The following COL21A1 variants were observed in gnomAD, a reference collection of about 807,000 sequenced individuals.
COL21A1 encodes the protein collagen type XXI alpha 1 chain, also known as collagen alpha-1(XXI) chain.
COL21A1 carries 149 observed loss-of-function variants against 137.9 expected under a neutral mutation model. The ratio of observed to expected loss-of-function variants is 1.08; its 90% confidence interval spans 0.95 to 1.24. COL21A1 has a LOEUF of 1.24. COL21A1 is among the 50% of genes most tolerant of loss of function. The pLI is 0.00. For synonymous variants in COL21A1, 456 were observed against 391.5 expected (o/e 1.16, Z -1.95); for missense variants, 1,167 against 1,158.4 (o/e 1.01, Z -0.11).
At chr6:56,386,239 G>GA (rs1246171043) in intron 1 of COL21A1, among the ~76,000 whole-genome samples, 1 of 152,160 alleles carries the variant, frequency 6.6e-6, no homozygotes, top group Non-Finnish European at 1.5e-5. Flanking sequence ...ATGAGCCACT[G>GA]CACCTGGCCT....
intron 1 of COL21A1, among the ~76,000 whole-genome samples, chr6:56,385,902 CTT>C (rs771807619): frequency 4.9e-5 from 7 of 142,970 alleles, no homozygotes; most frequent in Non-Finnish European, 6.2e-5. Flanking sequence ...TACTTCATTC[CTT>C]TTTTTTTTTT....
Position 56,192,094 on chromosome 6 carries a change from A to G in COL21A1, c.-38-9438T>C, listed in dbSNP as rs925436968. Among the ~76,000 whole-genome samples the G allele has an allele frequency of 2.0e-5, 3 of 152,210 alleles. 1 individual carries two copies. Among genetic ancestry groups the G allele is most frequent in the South Asian group, 4.1e-4 (2 of 4,834 alleles). ...TTGACAAACCTGACACAAACAAGCAACAGGGAAAAGATTCCCTATTAATAA... is the reference window on the plus strand; with the variant it reads ...TTGACAAACCTGACACAAACAAGCAGCAGGGAAAAGATTCCCTATTAATAA... On this transcript the variant is annotated intron_variant, in intron 1 of 29. Transcript: ENST00000244728.
At chr6:56,072,132 T>A (rs1766809640) in intron 20 of COL21A1, among the ~76,000 whole-genome samples, 1 of 151,632 alleles carries the variant, frequency 6.6e-6, no homozygotes, top group African/African-American at 2.4e-5. Flanking sequence ...TGTATCCATA[T>A]CCCTGGCAAA....
intron 16 of COL21A1, among the ~76,000 whole-genome samples, chr6:56,104,018 A>G (rs948587190): frequency 1.3e-5 from 2 of 152,216 alleles, no homozygotes; most frequent in Admixed American, 1.3e-4. Flanking sequence ...ATGAACTAGT[A>G]TAACATTATA....
chr6:56,279,829 AGAT>A (rs1414836762), intron 1 of COL21A1, among the ~76,000 whole-genome samples: 3 of 152,200 alleles, frequency 2.0e-5, no homozygotes, highest in Non-Finnish European at 1.5e-5. Context: ...TATGTGATTC[AGAT>A]GATAACTTTC....
At chr6:56,189,939 A>C (rs957652869) in intron 1 of COL21A1, among the ~76,000 whole-genome samples, 2 of 152,246 alleles carry the variant, frequency 1.3e-5, no homozygotes, top group African/African-American at 2.4e-5. Flanking sequence ...TATCACCACC[A>C]GGTCTGCCTT....
chr6:56,365,985 C>T (rs1287583777), intron 1 of COL21A1, among the ~76,000 whole-genome samples: 1 of 152,026 alleles, frequency 6.6e-6, no homozygotes, highest in Non-Finnish European at 1.5e-5. Flanking sequence ...TTGGAAAACC[C>T]AAATGTCACA....
In COL21A1 at chr6:56,168,116, T is replaced by G. The variant is rs1189842984; in HGVS notation, c.1200+8A>C. On this transcript the variant is annotated splice_region_variant and intron_variant, in intron 6 of 29. Transcript: ENST00000244728. The stretch of plus-strand genomic sequence containing the variant: ...TATAATTCAAAGAGTAAATCATTAT[T>G]TATCTACCTGAACAGTTTCTTCTTT... 6.8e-7 allele frequency: 1 copy of G among 1,475,730 alleles called. No homozygotes were observed. The highest frequency in any genetic ancestry group is 9.1e-7 in the Non-Finnish European group (1 of 1,102,396). 91.4% of individuals were successfully genotyped at this position (1,475,730 alleles called of 1,614,324 possible).
At chr6:56,263,561 A>G (rs1763331261) in intron 1 of COL21A1, among the ~76,000 whole-genome samples, 1 of 152,216 alleles carries the variant, frequency 6.6e-6, no homozygotes, top group African/African-American at 2.4e-5. Flanking sequence ...GAGAACTCAA[A>G]AACTGTTCAT....
intron 1 of COL21A1, among the ~76,000 whole-genome samples, chr6:56,381,673 T>C (rs1368448757): frequency 2.0e-5 from 3 of 152,222 alleles, no homozygotes; most frequent in East Asian, 3.8e-4. Context: ...TTAACAATTA[T>C]ATAAAACTTT....
At chr6:56,150,029 C>T (rs1301238398) in intron 10 of COL21A1, among the ~76,000 whole-genome samples, 1 of 152,184 alleles carries the variant, frequency 6.6e-6, no homozygotes, top group African/African-American at 2.4e-5. Flanking sequence ...CTTCTCCTTC[C>T]TCCATATCCA....
intron 24 of COL21A1, 21 bp downstream of exon 24, chr6:56,064,557 C>G (rs1766078782): frequency 1.3e-6 from 2 of 1,552,880 alleles, no homozygotes; most frequent in Non-Finnish European, 1.8e-6. Context: ...CATTTTTTAT[C>G]AGAAGAAAAC....
intron 2 of COL21A1, among the ~76,000 whole-genome samples, chr6:56,182,009 A>T (rs1777934210): frequency 6.6e-6 from 1 of 152,310 alleles, no homozygotes; most frequent in East Asian, 1.9e-4. Context: ...TTATAGTAGG[A>T]TGCTTATGAG....
chr6:56,162,629 C>T (rs1776275992), intron 9 of COL21A1, among the ~76,000 whole-genome samples: 2 of 152,156 alleles, frequency 1.3e-5, no homozygotes, highest in South Asian at 4.1e-4. Context: ...TGGCTTGAAC[C>T]TCACTGAGAG....
chr6:56,336,054 T>C (rs1246823907), intron 1 of COL21A1, among the ~76,000 whole-genome samples: 5 of 152,226 alleles, frequency 3.3e-5, no homozygotes, highest in African/African-American at 1.2e-4. Flanking sequence ...ACAAAACACT[T>C]GCTGTGTGCT....
intron 16 of COL21A1, among the ~76,000 whole-genome samples, chr6:56,108,718 A>G (rs1458796487): frequency 6.6e-6 from 1 of 151,960 alleles, no homozygotes; most frequent in African/African-American, 2.4e-5. Flanking sequence ...AGAAGATCTA[A>G]ATAAGATATT....
chr6:56,152,446 C>T (rs1775396464), intron 10 of COL21A1, among the ~76,000 whole-genome samples: 2 of 152,252 alleles, frequency 1.3e-5, no homozygotes, highest in African/African-American at 2.4e-5. Context: ...CTTTGAGGGA[C>T]CATTATTCTT....
At chr6:56,115,774 GATATGC>G (rs1260564876) in intron 16 of COL21A1, among the ~76,000 whole-genome samples, 1 of 152,020 alleles carries the variant, frequency 6.6e-6, no homozygotes, top group Non-Finnish European at 1.5e-5. Context: ...AAAAATTCAA[GATATGC>G]AGAGAAGGAA....
intron 1 of COL21A1, among the ~76,000 whole-genome samples, chr6:56,223,540 T>C (rs1780990629): frequency 6.6e-6 from 1 of 152,118 alleles, no homozygotes; most frequent in Non-Finnish European, 1.5e-5. Flanking sequence ...TTGTTTAATG[T>C]GCCAAACAAA....
Sources: gnomAD v4.1 joint callset for allele counts (sites outside exome capture counted in the v4.1 genomes callset) on GRCh38, gnomAD v4.1.1 for gene constraint, MANE v1.5 for transcripts, NCBI Gene and HGNC (gene_info 2026-07-23, HGNC 2026-07-21) for gene names.